The following SBF1 variants were observed in gnomAD, a reference collection of about 807,000 sequenced individuals.
SBF1 encodes myotubularin-related protein 5.
SBF1 carries 65 observed loss-of-function variants against 215.8 expected under a neutral mutation model. That is an observed-to-expected ratio of 0.30 (90% confidence interval 0.25 to 0.37). The LOEUF is 0.37. Ranked by LOEUF, SBF1 falls within the 10% of genes least tolerant of loss-of-function variation. SBF1 has a pLI of 1.00. For synonymous variants in SBF1, 1,410 were observed against 1,122.8 expected, an observed-to-expected ratio of 1.26 and a Z score of -5.11; for missense variants, 2,634 against 2,667.8, an observed-to-expected ratio of 0.99 and a Z score of 0.28.
Position 50,455,160 on chromosome 22 carries a change from CA to C in SBF1, c.4555-19del. ...AGGTGGACCTGCACGCCATGTGGGT[CA>C]GGGGCCAGGGCTCAGCGGTCAGGGT... On this transcript the variant is annotated intron_variant, in intron 33 of 40. Coordinates refer to ENST00000380817, the MANE Select transcript of SBF1 (RefSeq NM_002972.4). The C allele has an allele frequency of 6.2e-7, 1 of 1,614,002 alleles. No homozygotes were observed. Among genetic ancestry groups the C allele is most frequent in the Non-Finnish European group, 8.5e-7 (1 of 1,180,010 alleles).
chr22:50,460,835 A>C, intron 23 of SBF1, 123 bp from the exon 24 acceptor site: 1 of 1,109,714 alleles, frequency 9.0e-7, no homozygotes, highest in Non-Finnish European at 1.3e-6. Context: ...GCCCCAGGCA[A>C]AGGCCTGTAT....
intron 17 of SBF1, 26 bp downstream of exon 17, chr22:50,462,844 G>A (rs774933879): frequency 5.6e-6 from 9 of 1,612,286 alleles, no homozygotes; most frequent in East Asian, 2.2e-5. Flanking sequence ...GGCTGGGAAG[G>A]AGACCTCAGC....
chr22:50,456,898 A>T, intron 29 of SBF1, 136 bp downstream of exon 29: 1 of 794,448 alleles, frequency 1.3e-6, no homozygotes, highest in Non-Finnish European at 1.9e-6. Flanking sequence ...CAGGGAGGTA[A>T]GGACTGGGGC....
rs769846010 is a variant in SBF1 at position 50,461,213 on chromosome 22, G to A, written c.2913C>T (p.Thr971=). Residue 971 remains threonine, a synonymous_variant, in exon 23 of 41, where the codon ACC becomes ACT. Coordinates refer to ENST00000380817, the MANE Select transcript of SBF1 (RefSeq NM_002972.4). ...CGTCCTGCAGGAGCTGGTCCACAGG[G>A]GTCTGGACGCTGATGCGCTTCTCCT... is the stretch of plus-strand genomic sequence containing the variant. ...LTKEKRISVQ[T]PVDQLLQDGL... The A allele has an allele frequency of 2.3e-5, 37 of 1,612,648 alleles. No individual in the cohort carries two copies. The highest frequency in any genetic ancestry group is 5.5e-5 in the South Asian group (5 of 91,028).
At chr22:50,449,154 A>T (rs1421983767) in intron 36 of SBF1, among the ~76,000 whole-genome samples, 1 of 152,172 alleles carries the variant, frequency 6.6e-6, no homozygotes, top group African/African-American at 2.4e-5. Flanking sequence ...CATGGGCAAC[A>T]AGAGCAAAAC....
rs768345277 is a variant in SBF1, at chr22:50,455,098, G to A, written c.4599C>T (p.Tyr1533=). 2.5e-6 allele frequency: 4 copies of A among 1,614,144 alleles called. No homozygotes were observed. Among genetic ancestry groups the A allele is most frequent in the Non-Finnish European group, 3.4e-6 (4 of 1,180,028 alleles). ...FPMEFEFSQF[Y]LKFLGYHHVS... ...CATGGTGGTAGCCGAGGAACTTGAG[G>A]TAGAACTGGCTGAACTCAAACTCCA... The change falls in exon 34 of 41, where the codon TAC becomes TAT. Residue 1533 remains tyrosine (Y), a synonymous_variant. Transcript: ENST00000380817.
rs1237705112 is a variant in SBF1 at position 50,467,804 on chromosome 22, C to T, written c.261G>A (p.Glu87=). 6.2e-7 allele frequency: 1 copy of T among 1,613,970 alleles called. No homozygotes were observed. Among genetic ancestry groups the T allele is most frequent in the Admixed American group, 1.7e-5 (1 of 60,002 alleles). The change falls in exon 3 of 41, where the codon GAG becomes GAA. Residue 87 remains glutamate, a synonymous_variant. Coordinates refer to ENST00000380817, the MANE Select transcript of SBF1 (RefSeq NM_002972.4). ...RHYCACLTFW[E]PAEPSQETTR... ...AGCTGACCTGTGAAGGCTCCGCTGG[C>T]TCCCAGAAGGTCAAGCAGGCGCAGT...
Position 50,446,356 on chromosome 22 carries a change from T to TGCCCCCCCCCCCCCCCCCCCCC in SBF1, c.*785_*786insGGGGGGGGGGGGGGGGGGGGGC. The TGCCCCCCCCCCCCCCCCCCCCC allele has an allele frequency of 2.9e-5, 1 of 35,042 alleles. No individual in the cohort carries two copies. Among genetic ancestry groups the TGCCCCCCCCCCCCCCCCCCCCC allele is most frequent in the African/African-American group, 1.3e-4 (1 of 7,654 alleles). The allele number at this position is 35,042 out of a possible 1,614,324, so 2.2% of individuals were successfully genotyped here. The stretch of plus-strand genomic sequence containing the variant: ...CCTGCATTCCCCTGGGAGCCCACTG[T>TGCCCCCCCCCCCCCCCCCCCCC]CCCCCCCCCCCCCCCGCCTCCGGCC... On this transcript the variant is annotated 3_prime_UTR_variant, in exon 41 of 41. Coordinates refer to ENST00000380817, the MANE Select transcript of SBF1 (RefSeq NM_002972.4).
chr22:50,468,829 G>GC (rs1441581116), intron 1 of SBF1, among the ~76,000 whole-genome samples: 8 of 151,830 alleles, frequency 5.3e-5, no homozygotes, highest in Non-Finnish European at 1.2e-4. Flanking sequence ...TAGGCTCTCG[G>GC]CCCCCCAACA....
Position 50,455,157 on chromosome 22 carries a change from G to C in SBF1, c.4555-15C>G. On this transcript the variant is annotated splice_polypyrimidine_tract_variant and intron_variant, in intron 33 of 40. Transcript: ENST00000380817. ...TGCAGGTGGACCTGCACGCCATGTG[G>C]GTCAGGGGCCAGGGCTCAGCGGTCA... 1 of 1,614,044 alleles carries C rather than the reference G, an allele frequency of 6.2e-7. No homozygotes were observed. Among genetic ancestry groups the C allele is most frequent in the Non-Finnish European group, 8.5e-7 (1 of 1,180,008 alleles).
rs765944860 is a variant in SBF1, at chr22:50,457,060, G to A, written c.3878C>T (p.Ser1293Leu). The A allele has an allele frequency of 4.9e-5, 72 of 1,468,998 alleles. No individual in the cohort carries two copies. The highest frequency in any genetic ancestry group is 6.1e-5 in the Non-Finnish European group (68 of 1,116,376). The allele number at this position is 1,468,998 out of a possible 1,614,324, so 91.0% of individuals were successfully genotyped here. A position where few individuals can be genotyped will look rare whatever the true frequency, so the allele number is the denominator to read the frequency against. ...TCGGGGTGCGGTCCGTCTGGAGGCC[G>A]AGGCCGCCATGGGGTTGGACAGCGT... ...VTTLSNPMAA[S>L]ASRRTAPRGK... is the part of the protein sequence containing the mutation. The change falls in exon 29 of 41, where the codon TCG becomes TTG. Residue 1293 changes from serine (S) to leucine (L), a missense_variant. By Grantham distance (145) the Ser-to-Leu change is moderately radical. Transcript: ENST00000380817.
At chr22:50,469,123 T>C (rs369554824) in intron 1 of SBF1, among the ~76,000 whole-genome samples, 1 of 152,170 alleles carries the variant, frequency 6.6e-6, no homozygotes, top group African/African-American at 2.4e-5. Context: ...ACGGGAAGGA[T>C]GGAGACTTGG....
rs894074014 is a variant in SBF1 at position 50,460,601 on chromosome 22, T to C, written c.3079A>G (p.Thr1027Ala). 7 of 1,614,040 alleles carry C rather than the reference T, an allele frequency of 4.3e-6. No homozygotes were observed. The highest frequency in any genetic ancestry group is 5.9e-6 in the Non-Finnish European group (7 of 1,180,030). The change falls in exon 24 of 41, where the codon ACC (threonine) becomes GCC (alanine). Residue 1027 changes from threonine to alanine, a missense_variant. Thr to Ala is a moderately conservative substitution (Grantham distance 58). Coordinates refer to ENST00000380817, the MANE Select transcript of SBF1 (RefSeq NM_002972.4). ...PPDIRATFAF[T>A]LGSAHTPGRP... is the part of the protein sequence containing the mutation. Reference sequence around the variant, plus strand: ...CCAGGTGTGTGGGCAGAGCCCAAGGTGAACGCAAAGGTGGCCCTGATGTCC... The same window carrying C: ...CCAGGTGTGTGGGCAGAGCCCAAGGCGAACGCAAAGGTGGCCCTGATGTCC...
intron 36 of SBF1, among the ~76,000 whole-genome samples, chr22:50,449,806 C>T (rs1355110847): frequency 6.6e-6 from 1 of 152,230 alleles, no homozygotes; most frequent in African/African-American, 2.4e-5. Flanking sequence ...TGTCAACTTC[C>T]AGCCATGACA....
In SBF1 at chr22:50,454,894, A is replaced by C; in HGVS notation, c.4732T>G (p.Ser1578Ala). 2 of 1,613,980 alleles carry C rather than the reference A, an allele frequency of 1.2e-6. No homozygotes were observed. The highest frequency in any genetic ancestry group is 1.7e-6 in the Non-Finnish European group (2 of 1,179,980). Residue 1578 changes from serine (S) to alanine (A), a missense_variant, in exon 35 of 41, where the codon TCT (serine) becomes GCT (alanine). By Grantham distance (99) the Ser-to-Ala change is moderately conservative. Transcript: ENST00000380817. ...GERRGQVPCRSVWEYVDRLSK... is the reference protein window; with the variant it reads ...GERRGQVPCRAVWEYVDRLSK... ...AGCCGGTCCACATACTCCCACACAG[A>C]CCTGCACGGCACCTGGCCCCTGCGT...
In SBF1 at chr22:50,459,235, C is replaced by A; in HGVS notation, c.3826+20G>T. 1.9e-6 allele frequency: 3 copies of A among 1,585,740 alleles called. No homozygotes were observed. The highest frequency in any genetic ancestry group is 1.1e-5 in the South Asian group (1 of 89,510). On this transcript the variant is annotated intron_variant, in intron 28 of 40. Transcript: ENST00000380817. ...CCCCAAAGTGCCCCTGCCCCACCGT[C>A]TGCCCACAAGCACCCTCACCGTGAC...
rs372394461 is a variant in SBF1, at chr22:50,466,072, G to A, written c.900C>T (p.Leu300=). The change falls in exon 9 of 41, where the codon CTC becomes CTT. Residue 300 remains leucine, a splice_region_variant and synonymous_variant. Coordinates refer to ENST00000380817, the MANE Select transcript of SBF1 (RefSeq NM_002972.4). ...AAFQAETQEL[L]DVIVADLDGG... is the part of the protein sequence containing the mutation. ...CATCCAGATCAGCAACAATCACATCGAGCTGCGGACCAAGGGAGCCGGCAG... is the reference window on the plus strand; with the variant it reads ...CATCCAGATCAGCAACAATCACATCAAGCTGCGGACCAAGGGAGCCGGCAG... 9 of 1,613,630 alleles carry A rather than the reference G, an allele frequency of 5.6e-6. No homozygotes were observed. Among genetic ancestry groups the A allele is most frequent in the South Asian group, 3.3e-5 (3 of 91,082 alleles).
At position 50,465,614 on chromosome 22, in the gene SBF1, T is replaced by C. The variant is rs2067715427; in HGVS notation, c.1089+149A>G. ...ACTCACGACCACCACTCCTAACTGCTGGCAGCTGCTTTGCTCCCAGGCTCC... is the reference window on the plus strand; with the variant it reads ...ACTCACGACCACCACTCCTAACTGCCGGCAGCTGCTTTGCTCCCAGGCTCC... On this transcript the variant is annotated intron_variant, in intron 10 of 40. Transcript: ENST00000380817. 26 of 765,042 alleles carry C rather than the reference T, an allele frequency of 3.4e-5. No homozygotes were observed. In the South Asian group the frequency reaches 4.8e-4, roughly 14 times the overall value. 47.4% of individuals were successfully genotyped at this position (765,042 alleles called of 1,614,324 possible).
chr22:50,467,616 G>A lies in SBF1; in HGVS notation c.354C>T (p.Pro118=), dbSNP rs765346174. Residue 118 remains proline, a synonymous_variant, in exon 4 of 41, where the codon CCC becomes CCT. Transcript: ENST00000380817. The part of the protein sequence containing the change: ...GDEGGQTHLS[P]TAPAPSAQLF... ...GCTGGGCAGATGGGGCAGGTGCTGT[G>A]GGAGACAGGTGGGTCTGGCCTCCCT... is the stretch of plus-strand genomic sequence containing the variant. The A allele has an allele frequency of 6.2e-7, 1 of 1,614,114 alleles. No individual in the cohort carries two copies. Among genetic ancestry groups the A allele is most frequent in the Non-Finnish European group, 8.5e-7 (1 of 1,179,980 alleles).
Sources: allele counts gnomAD v4.1 joint callset (sites outside exome capture counted in the v4.1 genomes callset), GRCh38; gene constraint gnomAD v4.1.1; transcripts MANE v1.5; gene names NCBI Gene and HGNC (gene_info 2026-07-23, HGNC 2026-07-21).